The following AKAP10 variants were observed in gnomAD, a reference collection of about 807,000 sequenced individuals.
AKAP10 encodes the protein A-kinase anchoring protein 10.
In AKAP10, 24 loss-of-function variants were observed where a neutral mutation model predicts 80.8. The observed-to-expected ratio is 0.30, with a 90% CI of 0.22 to 0.42. AKAP10 has a LOEUF of 0.42. AKAP10 is among the 10% of genes least tolerant of loss of function. The pLI is 1.00. For missense variants in AKAP10, 661 were observed against 794.9 expected, an observed-to-expected ratio of 0.83 and a Z score of 2.03; for synonymous variants, 291 against 277.7, an observed-to-expected ratio of 1.05 and a Z score of -0.48.
In AKAP10 at chr17:19,947,498, T is replaced by C; in HGVS notation, c.885A>G (p.Glu295=). The change falls in exon 5 of 15, where the codon GAA becomes GAG. Residue 295 remains glutamate, a synonymous_variant. Coordinates refer to ENST00000225737, the MANE Select transcript of AKAP10 (RefSeq NM_007202.4). ...TGGTAAAAGTATTCACTGCATCTTGTTCTATACCTGCAAGGGAAGAAGAGA... is the reference window on the plus strand; with the variant it reads ...TGGTAAAAGTATTCACTGCATCTTGCTCTATACCTGCAAGGGAAGAAGAGA... The part of the protein sequence containing the change: ...ELSGKLMKSI[E]QDAVNTFTKY... 6.2e-7 allele frequency: 1 copy of C among 1,609,404 alleles called. No individual in the cohort carries two copies. The highest frequency in any genetic ancestry group is 8.5e-7 in the Non-Finnish European group (1 of 1,176,092).
At chr17:19,975,407 C>T (rs1417118200) in intron 1 of AKAP10, among the ~76,000 whole-genome samples, 1 of 152,120 alleles carries the variant, frequency 6.6e-6, no homozygotes, top group Non-Finnish European at 1.5e-5. Flanking sequence ...GTCACAGTAG[C>T]CTTCTTTCCT....
At chr17:19,957,266 G>GCT (rs1299667610) in intron 4 of AKAP10, among the ~76,000 whole-genome samples, 2 of 152,064 alleles carry the variant, frequency 1.3e-5, no homozygotes, top group Non-Finnish European at 2.9e-5. Flanking sequence ...ATCAGTCCGG[G>GCT]CGCGGTGGCT....
intron 9 of AKAP10, among the ~76,000 whole-genome samples, chr17:19,932,946 A>C (rs1166949159): frequency 6.6e-6 from 1 of 152,190 alleles, no homozygotes; most frequent in Non-Finnish European, 1.5e-5. Context: ...TGGACAAGCA[A>C]ATAATAAACA....
intron 12 of AKAP10, among the ~76,000 whole-genome samples, chr17:19,912,450 T>C (rs2042700969): frequency 1.3e-5 from 2 of 152,130 alleles, no homozygotes; most frequent in African/African-American, 4.8e-5. Context: ...GGCAGAAGAA[T>C]TGCTTGAACC....
intron 14 of AKAP10, among the ~76,000 whole-genome samples, chr17:19,906,675 T>C (rs1286198306): frequency 6.6e-6 from 1 of 152,208 alleles, no homozygotes; most frequent in Non-Finnish European, 1.5e-5. Flanking sequence ...TCCCCGGTAT[T>C]GTGGCATGGG....
At chr17:19,969,878 T>C (rs1056455540) in intron 1 of AKAP10, among the ~76,000 whole-genome samples, 1 of 152,126 alleles carries the variant, frequency 6.6e-6, no homozygotes, top group African/African-American at 2.4e-5. Flanking sequence ...TGTTGTAGGG[T>C]CACTGGTGTT....
intron 10 of AKAP10, among the ~76,000 whole-genome samples, chr17:19,928,758 T>C (rs925387394): frequency 6.6e-6 from 1 of 152,060 alleles, no homozygotes; most frequent in East Asian, 1.9e-4. Context: ...TAGTCCCAGA[T>C]ACTCGGGAGG....
chr17:19,948,419 G>A (rs191660972), intron 4 of AKAP10, among the ~76,000 whole-genome samples: 1 of 152,242 alleles, frequency 6.6e-6, no homozygotes. Flanking sequence ...AGAGAGTGGA[G>A]GAAATCCCCT....
At chr17:19,941,489 C>A (rs567362315) in intron 6 of AKAP10, among the ~76,000 whole-genome samples, 1 of 152,192 alleles carries the variant, frequency 6.6e-6, no homozygotes, top group East Asian at 1.9e-4. Flanking sequence ...TTAGGAGAGC[C>A]ATCTGAAGAC....
rs188597356 is a variant in AKAP10, at chr17:19,910,093, C to T, written c.1835-115G>A. The T allele has an allele frequency of 6.4e-6, 6 of 934,018 alleles. No individual in the cohort carries two copies. In the Admixed American group the frequency reaches 6.6e-5, roughly 10 times the overall value. The allele number at this position is 934,018 out of a possible 1,614,324, so 57.9% of individuals were successfully genotyped here. On this transcript the variant is annotated intron_variant, in intron 12 of 14. Transcript: ENST00000225737. Reference sequence around the variant, plus strand: ...CTGTAATTCCAGCACTTTGGGAGGCCGAGGTGGGTGATTCACCTGAGGTTA... The same window carrying T: ...CTGTAATTCCAGCACTTTGGGAGGCTGAGGTGGGTGATTCACCTGAGGTTA...
chr17:19,959,061 C>G (rs1597523567), intron 3 of AKAP10, among the ~76,000 whole-genome samples: 1 of 152,078 alleles, frequency 6.6e-6, no homozygotes, highest in South Asian at 2.1e-4. Flanking sequence ...CCATGTTGGT[C>G]AGGATGGTCT....
At chr17:19,941,804 G>A (rs779885653) in intron 6 of AKAP10, 22 bp downstream of exon 6, 15 of 1,523,440 alleles carry the variant, frequency 9.8e-6, no homozygotes, top group Non-Finnish European at 1.2e-5. Context: ...GATGCACAAT[G>A]TGAAAATATG....
At chr17:19,915,831 T>A (rs1035049382) in intron 12 of AKAP10, among the ~76,000 whole-genome samples, 1 of 152,184 alleles carries the variant, frequency 6.6e-6, no homozygotes, top group Non-Finnish European at 1.5e-5. Flanking sequence ...CTTGAAGCCC[T>A]ACACTAAATT....
At chr17:19,942,493 G>A (rs943850300) in intron 5 of AKAP10, among the ~76,000 whole-genome samples, 3 of 152,122 alleles carry the variant, frequency 2.0e-5, no homozygotes, top group Non-Finnish European at 4.4e-5. Flanking sequence ...ACCTTTTTCT[G>A]AAGGCAATTT....
intron 12 of AKAP10, among the ~76,000 whole-genome samples, chr17:19,918,224 CAAAA>C (rs559332326): frequency 1.2e-5 from 1 of 86,052 alleles, no homozygotes; most frequent in Non-Finnish European, 2.5e-5. Context: ...CCGTCTCAAA[CAAAA>C]AAAAAAAAAA....
At chr17:19,945,370 G>A (rs1318268913) in intron 5 of AKAP10, among the ~76,000 whole-genome samples, 1 of 152,050 alleles carries the variant, frequency 6.6e-6, no homozygotes, top group Non-Finnish European at 1.5e-5. Context: ...TCTTCAAACA[G>A]GCAAACTCTA....
chr17:19,919,138 C>T (rs1315853776), intron 12 of AKAP10, among the ~76,000 whole-genome samples: 2 of 146,428 alleles, frequency 1.4e-5, no homozygotes, highest in Non-Finnish European at 3.0e-5. Context: ...CAAGTGTTCT[C>T]ATTGTTCAAT....
At chr17:19,952,266 C>T (rs1032653435) in intron 4 of AKAP10, among the ~76,000 whole-genome samples, 2 of 151,810 alleles carry the variant, frequency 1.3e-5, no homozygotes, top group Admixed American at 6.6e-5. Flanking sequence ...GAGTTCAAGA[C>T]GAGCCTGGCT....
chr17:19,928,009 C>T (rs1354495517), intron 10 of AKAP10, among the ~76,000 whole-genome samples: 2 of 151,998 alleles, frequency 1.3e-5, no homozygotes, highest in Admixed American at 1.3e-4. Context: ...CACCTGAGGT[C>T]AGGAGTTTGT....
Sources: allele counts gnomAD v4.1 joint callset (sites outside exome capture counted in the v4.1 genomes callset), GRCh38; gene constraint gnomAD v4.1.1; transcripts MANE v1.5; gene names NCBI Gene and HGNC (gene_info 2026-07-23, HGNC 2026-07-21).